GUCY1A2: variants seen among roughly 807,000 people sequenced by gnomAD.
GUCY1A2 encodes guanylate cyclase 1 soluble subunit alpha 2, also known as guanylate cyclase soluble subunit alpha-2.
Under a neutral mutation model 63.5 loss-of-function variants are expected in GUCY1A2, and 27 were observed. The observed-to-expected ratio is 0.43, with a 90% CI of 0.31 to 0.59. The LOEUF is 0.59. Ranked by LOEUF, GUCY1A2 falls within the 20% of genes least tolerant of loss-of-function variation. The pLI, the probability that GUCY1A2 is intolerant of heterozygous loss-of-function variation, is 0.11. For synonymous variants in GUCY1A2, 364 were observed against 343.5 expected, an observed-to-expected ratio of 1.06 and a Z score of -0.66; for missense variants, 768 against 913.3, an observed-to-expected ratio of 0.84 and a Z score of 2.05.
intron 2 of GUCY1A2, among the ~76,000 whole-genome samples, chr11:106,980,977 G>A (rs1172006090): frequency 6.6e-6 from 1 of 152,140 alleles, no homozygotes; most frequent in African/African-American, 2.4e-5. Flanking sequence ...TCTGTAAAAT[G>A]TGCTTAATAC....
intron 4 of GUCY1A2, among the ~76,000 whole-genome samples, chr11:106,834,243 T>C (rs1208181859): frequency 6.6e-6 from 1 of 152,150 alleles, no homozygotes; most frequent in Non-Finnish European, 1.5e-5. Flanking sequence ...GTAACTGCTA[T>C]TCTACTATTT....
At chr11:106,807,655 A>C (rs1318677733) in intron 5 of GUCY1A2, among the ~76,000 whole-genome samples, 1 of 152,154 alleles carries the variant, frequency 6.6e-6, no homozygotes, top group African/African-American at 2.4e-5. Flanking sequence ...TATTGTTCCT[A>C]GGTGTGTCTA....
intron 1 of GUCY1A2, among the ~76,000 whole-genome samples, chr11:106,987,424 G>C (rs573773840): frequency 6.6e-6 from 1 of 152,222 alleles, no homozygotes; most frequent in Admixed American, 6.5e-5. Context: ...GCCGAGGCAC[G>C]TGGATCACTT....
chr11:106,978,831 A>G, intron 2 of GUCY1A2, 91 bp from the exon 3 acceptor site: 1 of 749,598 alleles, frequency 1.3e-6, no homozygotes, highest in East Asian at 2.7e-5. Context: ...CACGCAGTCT[A>G]TGCTTTCATC....
At chr11:106,706,720 C>T (rs1034569396) in intron 7 of GUCY1A2, among the ~76,000 whole-genome samples, 1 of 148,108 alleles carries the variant, frequency 6.8e-6, no homozygotes, top group African/African-American at 2.5e-5. Context: ...GTTACACAAA[C>T]ATGGAAAATA....
intron 4 of GUCY1A2, among the ~76,000 whole-genome samples, chr11:106,864,550 T>C (rs528992932): frequency 2.6e-5 from 4 of 152,156 alleles, no homozygotes; most frequent in Admixed American, 1.3e-4. Context: ...ATATGGGCGA[T>C]GGGTTTGTCA....
chr11:106,930,666 G>A (rs1435573314), intron 4 of GUCY1A2, among the ~76,000 whole-genome samples: 1 of 152,136 alleles, frequency 6.6e-6, no homozygotes, highest in Non-Finnish European at 1.5e-5. Flanking sequence ...TCTAAGTTCT[G>A]GAACTCAATT....
At chr11:106,874,506 T>C (rs1041348038) in intron 4 of GUCY1A2, among the ~76,000 whole-genome samples, 1 of 152,166 alleles carries the variant, frequency 6.6e-6, no homozygotes, top group Admixed American at 6.6e-5. Flanking sequence ...AGACACTGCA[T>C]AGTGACTGCT....
chr11:106,709,381 A>G (rs1425965231), intron 6 of GUCY1A2, among the ~76,000 whole-genome samples: 1 of 92,280 alleles, frequency 1.1e-5, no homozygotes, highest in South Asian at 2.8e-4. Flanking sequence ...AATTATATAT[A>G]TTATATATTA....
intron 3 of GUCY1A2, among the ~76,000 whole-genome samples, chr11:106,949,866 G>A (rs1335134913): frequency 6.6e-6 from 1 of 152,186 alleles, no homozygotes; most frequent in Non-Finnish European, 1.5e-5. Context: ...ACCGTGCCTT[G>A]TCTGTGGTGA....
chr11:107,014,158 G>C (rs185992095), intron 1 of GUCY1A2, among the ~76,000 whole-genome samples: 2,021 of 134,160 alleles, frequency 0.015, 28 homozygotes, highest in South Asian at 0.049. Flanking sequence ...GCGCAATCTC[G>C]GCTCACTACA....
rs78921173 is a variant in GUCY1A2, at chr11:106,677,189, A to C, written c.*10360T>G. On this transcript the variant is annotated 3_prime_UTR_variant, in exon 8 of 8. Coordinates refer to ENST00000526355, the MANE Select transcript of GUCY1A2 (RefSeq NM_000855.3). ...AGCAAAGAGGGAGGGAAGGAAAGGA[A>C]GGAAAGGAAGGAAGGAAGGAAGATA... 1,442 of 221,740 alleles carry C rather than the reference A, an allele frequency of 6.5e-3. 19 individuals are homozygous for C. Among genetic ancestry groups the C allele is most frequent in the African/African-American group, 0.03 (1,365 of 44,786 alleles). 13.7% of individuals were successfully genotyped at this position (221,740 alleles called of 1,614,324 possible). A position where few individuals can be genotyped will look rare whatever the true frequency, so the allele number is the denominator to read the frequency against.
Position 106,681,426 on chromosome 11 carries a change from C to T in GUCY1A2, c.*6123G>A, listed in dbSNP as rs61903145. The T allele has an allele frequency of 0.1, 22,329 of 224,102 alleles. 1,455 individuals are homozygous for T. Among genetic ancestry groups the T allele is most frequent in the Non-Finnish European group, 0.14 (15,897 of 112,182 alleles). 13.9% of individuals were successfully genotyped at this position (224,102 alleles called of 1,614,324 possible). ...TCATTTATCCATCCTTAACTTCTTC[C>T]TTACTATTATATACTACAAAGATCC... On this transcript the variant is annotated 3_prime_UTR_variant, in exon 8 of 8. Coordinates refer to ENST00000526355, the MANE Select transcript of GUCY1A2 (RefSeq NM_000855.3).
intron 3 of GUCY1A2, among the ~76,000 whole-genome samples, chr11:106,952,574 T>C (rs1860924892): frequency 6.6e-6 from 1 of 152,156 alleles, no homozygotes; most frequent in Admixed American, 6.5e-5. Flanking sequence ...ACTGTGATTT[T>C]TGCACACTAA....
intron 5 of GUCY1A2, 59 bp downstream of exon 5, chr11:106,809,934 A>C: frequency 9.7e-7 from 1 of 1,035,086 alleles, no homozygotes; most frequent in Non-Finnish European, 1.4e-6. Context: ...AATCAATTTA[A>C]TTCACATGAC....
chr11:106,947,034 T>G (rs1860838864), intron 3 of GUCY1A2, among the ~76,000 whole-genome samples: 1 of 151,986 alleles, frequency 6.6e-6, no homozygotes, highest in African/African-American at 2.4e-5. Context: ...CTGGCCAAGA[T>G]GGTGAAACCC....
At chr11:106,977,848 AT>A (rs2120116037) in intron 3 of GUCY1A2, among the ~76,000 whole-genome samples, 1 of 152,300 alleles carries the variant, frequency 6.6e-6, no homozygotes, top group African/African-American at 2.4e-5. Context: ...TATCTGGGTC[AT>A]AAAGAAAAAA....
intron 4 of GUCY1A2, among the ~76,000 whole-genome samples, chr11:106,848,673 C>CT: frequency 6.6e-6 from 1 of 151,666 alleles, no homozygotes; most frequent in East Asian, 1.9e-4. Flanking sequence ...AATTTGTACA[C>CT]TGGCTTTGAG....
chr11:106,856,063 C>A (rs1859429306), intron 4 of GUCY1A2, among the ~76,000 whole-genome samples: 1 of 151,512 alleles, frequency 6.6e-6, no homozygotes, highest in African/African-American at 2.4e-5. Flanking sequence ...GTAGCTGGGA[C>A]TACAGACATG....
Sources: gnomAD v4.1 joint callset for allele counts (sites outside exome capture counted in the v4.1 genomes callset) on GRCh38, gnomAD v4.1.1 for gene constraint, MANE v1.5 for transcripts, NCBI Gene and HGNC (gene_info 2026-07-23, HGNC 2026-07-21) for gene names.